Variants in NBEA observed in about 807,000 individuals in gnomAD.
NBEA encodes the protein lysosomal-trafficking regulator 2.
NBEA carries 44 observed loss-of-function variants against 343.4 expected under a neutral mutation model. That is an observed-to-expected ratio of 0.13 (90% CI 0.10 to 0.16). The LOEUF (loss-of-function observed/expected upper bound fraction) is 0.16. NBEA is among the 10% of genes least tolerant of loss of function. The pLI is 1.00. For missense variants in NBEA, 2,555 were observed against 3,631.3 expected (o/e 0.70, Z 7.62); for synonymous variants, 1,175 against 1,238.7 (o/e 0.95, Z 1.08).
intron 43 of NBEA, among the ~76,000 whole-genome samples, chr13:35,551,512 A>G (rs986330759): frequency 1.7e-4 from 26 of 152,182 alleles, no homozygotes; most frequent in Non-Finnish European, 4.4e-5. Context: ...TCATCTTGGT[A>G]TTTTAGAAGA....
At chr13:35,532,356 T>C (rs1004373143) in intron 41 of NBEA, among the ~76,000 whole-genome samples, 2 of 152,146 alleles carry the variant, frequency 1.3e-5, no homozygotes, top group Admixed American at 6.6e-5. Flanking sequence ...AGAGAAACCA[T>C]TAACCCTTTA....
chr13:35,614,433 GC>G (rs944759178), intron 48 of NBEA, among the ~76,000 whole-genome samples: 2 of 151,942 alleles, frequency 1.3e-5, no homozygotes, highest in African/African-American at 4.8e-5. Flanking sequence ...CCCTTTAATA[GC>G]CCTCAGCCAT....
At chr13:35,518,678 A>G (rs1221350157) in intron 41 of NBEA, among the ~76,000 whole-genome samples, 3 of 152,204 alleles carry the variant, frequency 2.0e-5, no homozygotes, top group Non-Finnish European at 4.4e-5. Flanking sequence ...AGGAAGGAAA[A>G]TATCTTTCTA....
At chr13:35,121,690 GA>G (rs1172564395) in intron 16 of NBEA, among the ~76,000 whole-genome samples, 7 of 151,466 alleles carry the variant, frequency 4.6e-5, no homozygotes, top group African/African-American at 1.5e-4. Context: ...AAGCATAAAA[GA>G]AAAAAAGAGA....
intron 47 of NBEA, among the ~76,000 whole-genome samples, chr13:35,601,378 C>A (rs1376309140): frequency 6.6e-6 from 1 of 152,064 alleles, no homozygotes; most frequent in Non-Finnish European, 1.5e-5. Flanking sequence ...TTTGGGATTT[C>A]TATTATGATG....
intron 40 of NBEA, among the ~76,000 whole-genome samples, chr13:35,472,007 A>AT (rs1156466964): frequency 2.0e-5 from 3 of 152,018 alleles, no homozygotes; most frequent in Non-Finnish European, 4.4e-5. Context: ...GCTTCGCGCG[A>AT]TGGCTGGTCT....
chr13:34,953,457 T>C (rs557054460), intron 1 of NBEA, among the ~76,000 whole-genome samples: 3 of 152,302 alleles, frequency 2.0e-5, no homozygotes, highest in African/African-American at 7.2e-5. Context: ...CATCATATTC[T>C]TCCATCTTTT....
chr13:35,374,549 G>C, intron 38 of NBEA, among the ~76,000 whole-genome samples: 1 of 152,172 alleles, frequency 6.6e-6, no homozygotes, highest in East Asian at 1.9e-4. Context: ...GCTAAGTGCA[G>C]TAGAACAAGG....
chr13:35,230,105 T>C (rs1182355768), intron 33 of NBEA, among the ~76,000 whole-genome samples: 1 of 152,090 alleles, frequency 6.6e-6, no homozygotes, highest in Non-Finnish European at 1.5e-5. Context: ...TAATAAATTT[T>C]ATAAGAAAAT....
chr13:35,639,120 G>C (rs1247796959), intron 49 of NBEA, among the ~76,000 whole-genome samples: 1 of 152,002 alleles, frequency 6.6e-6, no homozygotes, highest in Non-Finnish European at 1.5e-5. Flanking sequence ...TAATAATTTT[G>C]CCAGGATAAT....
At chr13:35,533,122 G>C (rs914376929) in intron 41 of NBEA, among the ~76,000 whole-genome samples, 1 of 152,096 alleles carries the variant, frequency 6.6e-6, no homozygotes, top group African/African-American at 2.4e-5. Context: ...AATGTAGTGA[G>C]AACTTGTTTT....
chr13:35,561,089 AC>A (rs2079837480), intron 44 of NBEA, among the ~76,000 whole-genome samples: 1 of 152,126 alleles, frequency 6.6e-6, no homozygotes, highest in African/African-American at 2.4e-5. Context: ...TAAAAGACAT[AC>A]CTAAAAATAA....
At chr13:35,412,421 G>A (rs4943302) in intron 38 of NBEA, among the ~76,000 whole-genome samples, 66,014 of 151,910 alleles carry the variant, frequency 0.43, 14,792 homozygotes, top group East Asian at 0.61. Flanking sequence ...TCACCTGTGC[G>A]GCAAGTGGGT....
At position 35,617,878 on chromosome 13, in the gene NBEA, GGTGA is replaced by G. The variant is rs144461448; in HGVS notation, c.7450-10200_7450-10197del. Among the ~76,000 whole-genome samples the G allele has an allele frequency of 5.3e-3, 803 of 152,128 alleles. 2 individuals are homozygous for G. The highest frequency in any genetic ancestry group is 8.5e-3 in the Non-Finnish European group (578 of 67,986). ...ATACTTGCTGAAGGAATGTTTATTT[GGTGA>G]GTATTTATGTAATATACAAAGTCTA... On this transcript the variant is annotated intron_variant, in intron 48 of 58. Transcript: ENST00000379939.
chr13:35,016,190 C>A (rs1428398216), intron 1 of NBEA, among the ~76,000 whole-genome samples: 4 of 151,780 alleles, frequency 2.6e-5, no homozygotes, highest in Non-Finnish European at 4.4e-5. Context: ...GAGTTTATTT[C>A]TTTGTAATTA....
At chr13:35,587,182 G>GA (rs560104667) in intron 46 of NBEA, among the ~76,000 whole-genome samples, 2 of 151,236 alleles carry the variant, frequency 1.3e-5, no homozygotes, top group East Asian at 1.9e-4. Context: ...TTAAAACCTA[G>GA]AAAAAAAAAG....
chr13:35,053,341 A>G (rs2063132794), intron 6 of NBEA, among the ~76,000 whole-genome samples: 2 of 152,044 alleles, frequency 1.3e-5, no homozygotes, highest in South Asian at 2.1e-4. Flanking sequence ...TCTGTGCTGT[A>G]TTGTATTAAG....
chr13:35,106,028 G>A (rs2065904115), intron 11 of NBEA, among the ~76,000 whole-genome samples: 1 of 151,848 alleles, frequency 6.6e-6, no homozygotes, highest in South Asian at 2.1e-4. Context: ...GTTAATTCTG[G>A]AGTGGATGCT....
rs372426315 is a variant in NBEA, at chr13:35,228,644, C to T, written c.5649-3848C>T. ...CTTATAAGTGAGAACATGTGGTATT[C>T]GCCTTTCTGTTTGAGTCACTTAAGA... On this transcript the variant is annotated intron_variant, in intron 33 of 58. Coordinates refer to ENST00000379939, the MANE Select transcript of NBEA (RefSeq NM_001385012.1). 1.1e-4 allele frequency among the ~76,000 whole-genome samples: 17 copies of T among 151,108 alleles called. No individual in the cohort carries two copies. The South Asian group carries it at 2.7e-3, about 24-fold the overall frequency.
Sources: allele counts gnomAD v4.1 joint callset (sites outside exome capture counted in the v4.1 genomes callset), GRCh38; gene constraint gnomAD v4.1.1; transcripts MANE v1.5; gene names NCBI Gene and HGNC (gene_info 2026-07-23, HGNC 2026-07-21).